Variants in CEACAM20 observed in about 807,000 individuals in gnomAD.
The protein encoded by CEACAM20 is cell adhesion molecule CEACAM20.
CEACAM20 carries 50 observed loss-of-function variants against 61.2 expected under a neutral mutation model. That is an observed-to-expected ratio of 0.82 (90% CI 0.65 to 1.03). CEACAM20 has a LOEUF of 1.03. CEACAM20 is among the 50% of genes least tolerant of loss of function. The pLI is 0.00. For missense variants in CEACAM20, 683 were observed against 736.4 expected (o/e 0.93, Z 0.84); for synonymous variants, 282 against 287.7 (o/e 0.98, Z 0.20).
intron 7 of CEACAM20, 62 bp downstream of exon 7, chr19:44,513,110 G>A (rs923460282): frequency 1.5e-5 from 21 of 1,410,272 alleles, no homozygotes; most frequent in Non-Finnish European, 1.9e-5. Flanking sequence ...CAACACGCCC[G>A]GCAAGCGCCC....
At chr19:44,527,276 C>T (rs941019831) in intron 1 of CEACAM20, among the ~76,000 whole-genome samples, 2 of 151,802 alleles carry the variant, frequency 1.3e-5, no homozygotes, top group South Asian at 4.2e-4. Flanking sequence ...ATGATGGCAA[C>T]GATGATGATG....
chr19:44,528,134 C>CTCTTTCTTT (rs1183459464), intron 1 of CEACAM20, among the ~76,000 whole-genome samples: 27 of 145,456 alleles, frequency 1.9e-4, no homozygotes, highest in African/African-American at 6.5e-4. Context: ...CCACTGGTAT[C>CTCTTTCTTT]TCTTTCTTTC....
At chr19:44,525,044 T>C (rs1971484988) in intron 2 of CEACAM20, 57 bp downstream of exon 2, 2 of 1,592,536 alleles carry the variant, frequency 1.3e-6, no homozygotes, top group Middle Eastern at 1.7e-4. Flanking sequence ...GAGGTTCGGA[T>C]GAGGGATCTC....
intron 3 of CEACAM20, among the ~76,000 whole-genome samples, 186 bp from the exon 4 acceptor site, chr19:44,523,098 T>C (rs929102299): frequency 1.3e-5 from 2 of 152,136 alleles, no homozygotes; most frequent in Admixed American, 1.3e-4. Flanking sequence ...TAAAGCAAGA[T>C]TGAAAGACAC....
chr19:44,522,254 C>T (rs1971388317), intron 4 of CEACAM20, among the ~76,000 whole-genome samples: 1 of 152,056 alleles, frequency 6.6e-6, no homozygotes, highest in Admixed American at 6.6e-5. Context: ...CAGGCGCCCA[C>T]CACCACACCT....
chr19:44,525,226 C>A lies in CEACAM20; in HGVS notation c.71G>T (p.Trp24Leu), dbSNP rs1376531783. 5.0e-6 allele frequency: 8 copies of A among 1,604,376 alleles called. No individual in the cohort carries two copies. The highest frequency in any genetic ancestry group is 6.0e-6 in the Non-Finnish European group (7 of 1,176,252). ...ILLSASLCTVWSPPAAAQLTL... is the reference protein window; with the variant it reads ...ILLSASLCTVLSPPAAAQLTL... ...GAGCTGGGCTGCAGCTGGAGGACTC[C>A]ATACGGTACAAAGCGAGGCTACAAG... The change falls in exon 2 of 12, where the codon TGG becomes TTG. Residue 24 changes from tryptophan (W) to leucine (L), a missense_variant. Physicochemically the swap from Trp to Leu is moderately conservative, Grantham distance 61. Transcript: ENST00000614924.
chr19:44,521,130 T>A (rs1044691338), intron 4 of CEACAM20, among the ~76,000 whole-genome samples: 8 of 152,232 alleles, frequency 5.3e-5, no homozygotes, highest in African/African-American at 1.7e-4. Context: ...TGAATGTGTG[T>A]TCTGTGTCTG....
At chr19:44,511,741 A>C in intron 9 of CEACAM20, 69 bp from the exon 10 acceptor site, 1 of 1,524,152 alleles carries the variant, frequency 6.6e-7, no homozygotes, top group Non-Finnish European at 9.0e-7. Context: ...AGATGCTCAG[A>C]AATAGCTTTG....
In CEACAM20 at chr19:44,517,023, T is replaced by A. The variant is rs1229447440; in HGVS notation, c.1232A>T (p.Asp411Val). ...GGAGGCTGTGCAGTTGTAGATCCCG[T>A]CGTGTTCCCAGGTCAGAGCCCTGAT... The part of the protein sequence containing the change: ...LIIRALTWEH[D>V]GIYNCTASNS... Residue 411 changes from aspartate (D) to valine (V), a missense_variant, in exon 6 of 12, where the codon GAC (aspartate) becomes GTC (valine). Physicochemically the swap from Asp to Val is radical, Grantham distance 152 (BLOSUM62 -3). Transcript: ENST00000614924. 3 of 1,598,070 alleles carry A rather than the reference T, an allele frequency of 1.9e-6. No homozygotes were observed. The highest frequency in any genetic ancestry group is 8.5e-7 in the Non-Finnish European group (1 of 1,172,622).
chr19:44,513,870 G>A (rs1022030147), intron 6 of CEACAM20, among the ~76,000 whole-genome samples: 2 of 152,114 alleles, frequency 1.3e-5, no homozygotes, highest in Non-Finnish European at 2.9e-5. Context: ...TGTAAAATGG[G>A]AACAATAGGG....
chr19:44,511,970 A>G (rs2123562524), intron 9 of CEACAM20, 47 bp downstream of exon 9: 5 of 1,542,610 alleles, frequency 3.2e-6, no homozygotes, highest in Non-Finnish European at 4.4e-6. Flanking sequence ...AGACTATAGC[A>G]GCCTGGTCAG....
intron 5 of CEACAM20, among the ~76,000 whole-genome samples, chr19:44,517,490 G>A (rs1222567011): frequency 6.6e-6 from 1 of 152,024 alleles, no homozygotes; most frequent in Non-Finnish European, 1.5e-5. Context: ...GAGGTCAGGA[G>A]ATCGAGACCA....
intron 5 of CEACAM20, among the ~76,000 whole-genome samples, chr19:44,518,902 C>T (rs1971271285): frequency 6.6e-6 from 1 of 152,102 alleles, no homozygotes; most frequent in South Asian, 2.1e-4. Context: ...CCCCAGTGCC[C>T]TTGGGACAAA....
At chr19:44,512,806 C>T in intron 8 of CEACAM20, 62 bp downstream of exon 8, 3 of 1,402,318 alleles carry the variant, frequency 2.1e-6, no homozygotes, top group South Asian at 2.4e-5. Flanking sequence ...GAGCCCCCAG[C>T]ACCAGCCTCT....
intron 11 of CEACAM20, among the ~76,000 whole-genome samples, chr19:44,507,782 A>T: frequency 6.6e-6 from 1 of 152,170 alleles, no homozygotes; most frequent in Non-Finnish European, 1.5e-5. Context: ...TGTAATCCCA[A>T]TACTCTGGGA....
At chr19:44,528,029 C>T (rs992235371) in intron 1 of CEACAM20, among the ~76,000 whole-genome samples, 2 of 151,966 alleles carry the variant, frequency 1.3e-5, no homozygotes, top group Admixed American at 6.6e-5. Context: ...TCTCTCCCCG[C>T]GTTTCTGAAT....
intron 5 of CEACAM20, among the ~76,000 whole-genome samples, chr19:44,518,304 C>G (rs2123598996): frequency 6.6e-6 from 1 of 152,180 alleles, no homozygotes; most frequent in South Asian, 2.1e-4. Context: ...TAATCCCTAA[C>G]TTCTAGTACT....
At chr19:44,524,945 A>T (rs996663335) in intron 2 of CEACAM20, among the ~76,000 whole-genome samples, 156 bp downstream of exon 2, 3 of 151,212 alleles carry the variant, frequency 2.0e-5, no homozygotes, top group Non-Finnish European at 4.4e-5. Context: ...CTCCCTCTTT[A>T]CCCCTGACCC....
rs753715606 is a variant in CEACAM20, at chr19:44,522,840, C to T, written c.545G>A (p.Gly182Asp). The change falls in exon 4 of 12, where the codon GGC becomes GAC. Residue 182 changes from glycine to aspartate, a missense_variant. By Grantham distance (94) the Gly-to-Asp change is moderately conservative (BLOSUM62 -1). Coordinates refer to ENST00000614924, the MANE Select transcript of CEACAM20 (RefSeq NM_001102597.3). Reference sequence around the variant, plus strand: ...TTCCGCTAAGAAGGTCATGCTGGAGCCCTCCATCACCTCAACCACCTCCCC... The same window carrying T: ...TTCCGCTAAGAAGGTCATGCTGGAGTCCTCCATCACCTCAACCACCTCCCC... ...ASGEVVEVME[G>D]SSMTFLAETK... is the part of the protein sequence containing the mutation. 2 of 1,611,280 alleles carry T rather than the reference C, an allele frequency of 1.2e-6. No individual in the cohort carries two copies. Among genetic ancestry groups the T allele is most frequent in the South Asian group, 2.2e-5 (2 of 90,268 alleles).
Sources: allele counts gnomAD v4.1 joint callset (sites outside exome capture counted in the v4.1 genomes callset), GRCh38; gene constraint gnomAD v4.1.1; transcripts MANE v1.5; gene names NCBI Gene and HGNC (gene_info 2026-07-23, HGNC 2026-07-21).